Variants in SORCS2 observed in about 807,000 individuals in gnomAD.
SORCS2 encodes VPS10 domain-containing receptor SorCS2.
In SORCS2, 100 loss-of-function variants were observed where a neutral mutation model predicts 141.6. The ratio of observed to expected loss-of-function variants is 0.71; its 90% CI spans 0.60 to 0.83. SORCS2 has a LOEUF of 0.83. Among genes scored for constraint, SORCS2 ranks in the 40% least tolerant of loss-of-function variants. The pLI is 0.00. For synonymous variants in SORCS2, 789 were observed against 676.9 expected (o/e 1.17, Z -2.57); for missense variants, 1,646 against 1,560.2 (o/e 1.05, Z -0.93).
At chr4:7,325,302 C>T (rs976177352) in intron 1 of SORCS2, among the ~76,000 whole-genome samples, 9 of 152,160 alleles carry the variant, frequency 5.9e-5, no homozygotes, top group Non-Finnish European at 1.2e-4. Context: ...TCAGTGTCTG[C>T]GTCTGTTAAG....
chr4:7,302,368 C>T (rs1352886352), intron 1 of SORCS2, among the ~76,000 whole-genome samples: 2 of 152,214 alleles, frequency 1.3e-5, no homozygotes, highest in African/African-American at 2.4e-5. Context: ...GCCAAGGTCA[C>T]GACCGGATCC....
intron 2 of SORCS2, among the ~76,000 whole-genome samples, chr4:7,511,423 G>A (rs1389624325): frequency 7.6e-6 from 1 of 131,788 alleles, no homozygotes; most frequent in Admixed American, 7.9e-5. Flanking sequence ...GAGGGAGAGA[G>A]GGGCGGGGTT....
intron 5 of SORCS2, among the ~76,000 whole-genome samples, chr4:7,659,454 G>C (rs1303810679): frequency 2.0e-5 from 3 of 152,144 alleles, no homozygotes; most frequent in Non-Finnish European, 4.4e-5. Context: ...CCTCATTCCA[G>C]GTGCTTCATA....
intron 2 of SORCS2, among the ~76,000 whole-genome samples, chr4:7,423,874 A>G (rs970699395): frequency 6.6e-6 from 1 of 152,206 alleles, no homozygotes; most frequent in Non-Finnish European, 1.5e-5. Flanking sequence ...TCATGGTGTA[A>G]GTTCTCCCAC....
At chr4:7,686,747 C>T (rs1475975030) in intron 10 of SORCS2, among the ~76,000 whole-genome samples, 1 of 152,258 alleles carries the variant, frequency 6.6e-6, no homozygotes, top group Non-Finnish European at 1.5e-5. Context: ...CCCTTCTTTT[C>T]ACCTGGTGTC....
At chr4:7,677,584 G>A (rs1723245518) in intron 9 of SORCS2, among the ~76,000 whole-genome samples, 3 of 152,198 alleles carry the variant, frequency 2.0e-5, no homozygotes, top group South Asian at 4.1e-4. Context: ...ATTGATGCAG[G>A]CTGGGAGAGT....
At chr4:7,351,010 G>C (rs751960300) in intron 1 of SORCS2, among the ~76,000 whole-genome samples, 35 of 152,202 alleles carry the variant, frequency 2.3e-4, no homozygotes, top group Non-Finnish European at 3.5e-4. Flanking sequence ...GAAAGCTGGT[G>C]TTTACAAACC....
intron 1 of SORCS2, among the ~76,000 whole-genome samples, chr4:7,234,003 C>T (rs1712088519): frequency 6.6e-6 from 1 of 152,142 alleles, no homozygotes; most frequent in South Asian, 2.1e-4. Context: ...TCCAGGGAGC[C>T]CATGCATCTG....
At chr4:7,640,710 A>G (rs998786979) in intron 4 of SORCS2, among the ~76,000 whole-genome samples, 2 of 151,904 alleles carry the variant, frequency 1.3e-5, no homozygotes. Flanking sequence ...TAGGACATAG[A>G]TACATTTTGG....
At chr4:7,415,616 A>G (rs1302297612) in intron 2 of SORCS2, among the ~76,000 whole-genome samples, 1 of 152,204 alleles carries the variant, frequency 6.6e-6, no homozygotes, top group Non-Finnish European at 1.5e-5. Flanking sequence ...TTGCGCTGTG[A>G]GCATTAGGAT....
intron 2 of SORCS2, among the ~76,000 whole-genome samples, chr4:7,446,960 A>G (rs1240172225): frequency 1.3e-5 from 2 of 152,330 alleles, no homozygotes; most frequent in South Asian, 2.1e-4. Flanking sequence ...CTTCACCTTC[A>G]GCCGGGCTGT....
At chr4:7,452,574 A>C (rs1272363813) in intron 2 of SORCS2, among the ~76,000 whole-genome samples, 1 of 152,178 alleles carries the variant, frequency 6.6e-6, no homozygotes, top group Non-Finnish European at 1.5e-5. Flanking sequence ...TCTGTAAGCT[A>C]TGTGCTCTCC....
intron 1 of SORCS2, among the ~76,000 whole-genome samples, chr4:7,256,229 C>T (rs1043113377): frequency 1.2e-4 from 18 of 152,116 alleles, no homozygotes; most frequent in African/African-American, 4.3e-4. Context: ...GAGCACATGC[C>T]CGCTCAGAGG....
intron 2 of SORCS2, among the ~76,000 whole-genome samples, chr4:7,425,234 C>T (rs1222883458): frequency 6.6e-6 from 1 of 152,340 alleles, no homozygotes; most frequent in Non-Finnish European, 1.5e-5. Flanking sequence ...CCCTTGATCG[C>T]TGTGGGGTGA....
chr4:7,216,243 A>G (rs73204583), intron 1 of SORCS2, among the ~76,000 whole-genome samples: 4,720 of 152,252 alleles, frequency 0.031, 116 homozygotes, highest in Non-Finnish European at 0.047. Context: ...AATTCCGGAC[A>G]CAAAAGCAGC....
At chr4:7,418,704 C>CA (rs373758064) in intron 2 of SORCS2, among the ~76,000 whole-genome samples, 4,434 of 97,970 alleles carry the variant, frequency 0.045, 186 homozygotes, top group African/African-American at 0.18. Flanking sequence ...AACAAATGAC[C>CA]CCCCCCCCCA....
intron 2 of SORCS2, among the ~76,000 whole-genome samples, chr4:7,410,060 C>T (rs1725204915): frequency 6.6e-6 from 1 of 152,242 alleles, no homozygotes; most frequent in African/African-American, 2.4e-5. Context: ...TCTGCAGAGG[C>T]CAATGATGGC....
At chr4:7,665,278 C>T (rs6819259) in intron 7 of SORCS2, among the ~76,000 whole-genome samples, 6,768 of 152,232 alleles carry the variant, frequency 0.044, 526 homozygotes, top group African/African-American at 0.15. Context: ...CCAAGGGCCA[C>T]CAAGGAGTTA....
chr4:7,388,935 T>C (rs1723674163), intron 1 of SORCS2, among the ~76,000 whole-genome samples: 1 of 152,138 alleles, frequency 6.6e-6, no homozygotes, highest in Non-Finnish European at 1.5e-5. Flanking sequence ...TGAAGGACTT[T>C]AGGCATCCCT....
Sources: allele counts gnomAD v4.1 joint callset (sites outside exome capture counted in the v4.1 genomes callset), GRCh38; gene constraint gnomAD v4.1.1; transcripts MANE v1.5; gene names NCBI Gene and HGNC (gene_info 2026-07-23, HGNC 2026-07-21).